Variants in SLC4A11 observed in about 807,000 individuals in gnomAD.
SLC4A11 encodes the protein bicarbonate transporter related protein 1.
Under a neutral mutation model 95.0 loss-of-function variants are expected in SLC4A11, and 74 were observed. The observed-to-expected ratio is 0.78, with a 90% CI of 0.65 to 0.95. The LOEUF (loss-of-function observed/expected upper bound fraction) is 0.95. SLC4A11 is among the 40% of genes least tolerant of loss of function. The pLI is 0.00. For missense variants in SLC4A11, 1,081 were observed against 1,192.4 expected, an observed-to-expected ratio of 0.91 and a Z score of 1.38; for synonymous variants, 548 against 519.0, an observed-to-expected ratio of 1.06 and a Z score of -0.76.
Position 3,237,531 on chromosome 20 carries a change from G to C in SLC4A11, c.88+13C>G, listed in dbSNP as rs1049820242. 2 of 1,613,416 alleles carry C rather than the reference G, an allele frequency of 1.2e-6. No homozygotes were observed. The highest frequency in any genetic ancestry group is 1.3e-5 in the African/African-American group (1 of 75,028). On this transcript the variant is annotated intron_variant, in intron 2 of 19. Coordinates refer to ENST00000642402, the MANE Select transcript of SLC4A11 (RefSeq NM_001174089.2). ...CTCTCTCTGCACACACACACTCCCCGAGAGGTACTCACTTGAATCCTCGAA... is the reference window on the plus strand; with the variant it reads ...CTCTCTCTGCACACACACACTCCCCCAGAGGTACTCACTTGAATCCTCGAA...
chr20:3,237,974 C>G, intron 1 of SLC4A11: 1 of 1,550,058 alleles, frequency 6.5e-7, no homozygotes, highest in Middle Eastern at 1.7e-4. Context: ...GCGGGCCTCT[C>G]CCCCTCTCTC....
chr20:3,230,322 T>C, intron 12 of SLC4A11, 62 bp from the exon 13 acceptor site: 1 of 1,589,596 alleles, frequency 6.3e-7, no homozygotes, highest in Non-Finnish European at 8.6e-7. Flanking sequence ...GGGGGAGGCC[T>C]CCCTGAGCCC....
At chr20:3,233,867 G>C (rs2067867689) in intron 6 of SLC4A11, 54 bp downstream of exon 6, 2 of 1,595,706 alleles carry the variant, frequency 1.3e-6, no homozygotes. Context: ...AGGGGACATG[G>C]GACACCCAGT....
At position 3,230,559 on chromosome 20, in the gene SLC4A11, A is replaced by G; in HGVS notation, c.1371T>C (p.Leu457=). 1 of 1,613,912 alleles carries G rather than the reference A, an allele frequency of 6.2e-7. No individual in the cohort carries two copies. The highest frequency in any genetic ancestry group is 8.5e-7 in the Non-Finnish European group (1 of 1,180,008). The change falls in exon 12 of 20, where the codon CTT becomes CTC. Residue 457 remains leucine (L), a synonymous_variant. Transcript: ENST00000642402. ...CCAGGCTGAGGTTGAAAAAGGCATA[A>G]AGCGCAAGGAAGAAACTATTCCACA... The part of the protein sequence containing the change: ...TGLWNSFFLA[L]YAFFNLSLVM...
intron 12 of SLC4A11, 115 bp from the exon 13 acceptor site, chr20:3,230,375 GCCCCAGGCCTTGCCTGAGCCCAC>G: frequency 6.4e-7 from 1 of 1,574,416 alleles, no homozygotes; most frequent in Non-Finnish European, 8.7e-7. Context: ...GAAGGCCAGG[GCCCCAGGCCTTGCCTGAGCCCAC>G]CCCAGCCCCT....
In SLC4A11 at chr20:3,229,569, A is replaced by T. The variant is rs2067681000; in HGVS notation, c.1697T>A (p.Leu566Gln). The change falls in exon 14 of 20, where the codon CTG (leucine) becomes CAG (glutamine). Residue 566 changes from leucine to glutamine, a missense_variant. By Grantham distance (113) the Leu-to-Gln change is moderately radical. Coordinates refer to ENST00000642402, the MANE Select transcript of SLC4A11 (RefSeq NM_001174089.2). ...GGTGTAGCCCAGCCAGAGCGTGCCCAGCATGATGAGGAGGCTGAGCACGGC... is the reference window on the plus strand; with the variant it reads ...GGTGTAGCCCAGCCAGAGCGTGCCCTGCATGATGAGGAGGCTGAGCACGGC... ...ATAVLSLLIMLGTLWLGYTLY... is the reference protein window; with the variant it reads ...ATAVLSLLIMQGTLWLGYTLY... 6.2e-7 allele frequency: 1 copy of T among 1,612,814 alleles called. No homozygotes were observed. Among genetic ancestry groups the T allele is most frequent in the African/African-American group, 1.3e-5 (1 of 74,904 alleles).
In SLC4A11 at chr20:3,237,604, A is replaced by G; in HGVS notation, c.44-16T>C. On this transcript the variant is annotated splice_polypyrimidine_tract_variant and intron_variant, in intron 1 of 19. Transcript: ENST00000642402. Reference sequence around the variant, plus strand: ...GGAGAGTTTTCTGCAAGGGAAGCAGAAAGGTCACCAGCCCCATGGACCAAG... The same window carrying G: ...GGAGAGTTTTCTGCAAGGGAAGCAGGAAGGTCACCAGCCCCATGGACCAAG... 1 of 1,614,044 alleles carries G rather than the reference A, an allele frequency of 6.2e-7. No homozygotes were observed.
At position 3,230,987 on chromosome 20, in the gene SLC4A11, G is replaced by A. The variant is rs372883065; in HGVS notation, c.1114C>T (p.Leu372=). ...TTLFLYFACL[L]PTIAFGSLND... ...AGAGACCCGAAAGCGATGGTGGGCAGGAGGCAGGCGAAGTAGAGGAACAGG... is the reference window on the plus strand; with the variant it reads ...AGAGACCCGAAAGCGATGGTGGGCAAGAGGCAGGCGAAGTAGAGGAACAGG... Residue 372 remains leucine (L), a synonymous_variant, in exon 10 of 20, where the codon CTG becomes TTG. Transcript: ENST00000642402. The A allele has an allele frequency of 1.9e-6, 3 of 1,613,830 alleles. No individual in the cohort carries two copies. The highest frequency in any genetic ancestry group is 1.7e-6 in the Non-Finnish European group (2 of 1,180,008).
rs778740310 is a variant in SLC4A11, at chr20:3,233,980, G to A, written c.546C>T (p.Ile182=). 15 of 1,613,804 alleles carry A rather than the reference G, an allele frequency of 9.3e-6. No individual in the cohort carries two copies. The highest frequency in any genetic ancestry group is 2.7e-5 in the African/African-American group (2 of 74,912). Reference sequence around the variant, plus strand: ...CTGTCACTGTGGCGGTGACCCCTTGGATGGTATCTGACAGCAGGTGGACTG... The same window carrying A: ...CTGTCACTGTGGCGGTGACCCCTTGAATGGTATCTGACAGCAGGTGGACTG... The part of the protein sequence containing the change: ...RGKVHLLSDT[I]QGVTATVTGV... The change falls in exon 6 of 20, where the codon ATC becomes ATT. Residue 182 remains isoleucine (I), a synonymous_variant. Transcript: ENST00000642402.
intron 7 of SLC4A11, among the ~76,000 whole-genome samples, chr20:3,232,179 T>A (rs188306565): frequency 6.6e-6 from 1 of 152,376 alleles, no homozygotes; most frequent in East Asian, 1.9e-4. Context: ...CAGCTACGTT[T>A]CCCCAGTGGT....
At chr20:3,233,282 G>A (rs1290358130) in intron 7 of SLC4A11, among the ~76,000 whole-genome samples, 4 of 152,122 alleles carry the variant, frequency 2.6e-5, no homozygotes, top group African/African-American at 9.7e-5. Flanking sequence ...TAGGGATAGT[G>A]GTCAAAAGCG....
At chr20:3,238,923 C>A in intron 1 of SLC4A11, 172 bp downstream of exon 1, 1 of 1,260,796 alleles carries the variant, frequency 7.9e-7, no homozygotes, top group Non-Finnish European at 1.0e-6. Context: ...GCGCCCGGGC[C>A]TCCCGCACCC....
At chr20:3,237,892 C>A in intron 1 of SLC4A11, 1 of 1,550,862 alleles carries the variant, frequency 6.4e-7, no homozygotes, top group Non-Finnish European at 8.7e-7. Context: ...AGTACCAGTA[C>A]CATGTTCGCT....
intron 2 of SLC4A11, among the ~76,000 whole-genome samples, chr20:3,237,021 A>G (rs1227341862): frequency 1.3e-5 from 2 of 152,088 alleles, no homozygotes; most frequent in Non-Finnish European, 2.9e-5. Flanking sequence ...GCACTGCTCT[A>G]CAAACAACCC....
At position 3,230,663 on chromosome 20, in the gene SLC4A11, A is replaced by G. The variant is rs1469615144; in HGVS notation, c.1283-16T>C. On this transcript the variant is annotated splice_polypyrimidine_tract_variant and intron_variant, in intron 11 of 19. Coordinates refer to ENST00000642402, the MANE Select transcript of SLC4A11 (RefSeq NM_001174089.2). The stretch of plus-strand genomic sequence containing the variant: ...ACACGAATCACTGCAGGCAGGGGGC[A>G]GGGCGGGTCAGGGCCCGGCAGGAAC... 1 of 1,613,232 alleles carries G rather than the reference A, an allele frequency of 6.2e-7. No homozygotes were observed.
rs971566066 is a variant in SLC4A11 at position 3,231,730 on chromosome 20, G to A, written c.730-182C>T. ...TGCAGTGGCACACTCACGGCTTATC[G>A]TAGCCTCGACCTCCCGGGCTCAAGT... is the stretch of plus-strand genomic sequence containing the variant. On this transcript the variant is annotated intron_variant, in intron 7 of 19. Coordinates refer to ENST00000642402, the MANE Select transcript of SLC4A11 (RefSeq NM_001174089.2). The surrounding 1 kb of genome is among the most constrained non-coding windows in gnomAD (Gnocchi z 5.2). 4.6e-5 allele frequency among the ~76,000 whole-genome samples: 7 copies of A among 152,118 alleles called. No homozygotes were observed. The highest frequency in any genetic ancestry group is 1.3e-4 in the Admixed American group (2 of 15,266).
chr20:3,229,606 C>T lies in SLC4A11; in HGVS notation c.1660G>A (p.Gly554Ser). 1 of 1,612,950 alleles carries T rather than the reference C, an allele frequency of 6.2e-7. No homozygotes were observed. ...AGGCTGAGCACGGCGGTCGCCTGGC[C>T]TGAGTGTGTGGCCGAGGGCAGCTCC... is the stretch of plus-strand genomic sequence containing the variant. The part of the protein sequence containing the change: ...PTELPSATHS[G>S]QATAVLSLLI... Residue 554 changes from glycine (G) to serine (S), a missense_variant, in exon 14 of 20, where the codon GGC becomes AGC. By Grantham distance (56) the Gly-to-Ser change is moderately conservative. This residue lies in a region of SLC4A11 where 767 missense variants were observed against 858.0 expected (regional missense o/e 0.89). Coordinates refer to ENST00000642402, the MANE Select transcript of SLC4A11 (RefSeq NM_001174089.2).
In SLC4A11 at chr20:3,230,613, G is replaced by A. The variant is rs780919613; in HGVS notation, c.1317C>T (p.Asp439=). 9 of 1,613,652 alleles carry A rather than the reference G, an allele frequency of 5.6e-6. No individual in the cohort carries two copies. The highest frequency in any genetic ancestry group is 7.6e-6 in the Non-Finnish European group (9 of 1,179,964). The change falls in exon 12 of 20, where the codon GAC becomes GAT. Residue 439 remains aspartate (D), a synonymous_variant. Coordinates refer to ENST00000642402, the MANE Select transcript of SLC4A11 (RefSeq NM_001174089.2). The stretch of plus-strand genomic sequence containing the variant: ...CCGTCCATGCGTAGAAGGAGTTGAA[G>A]TCCAGGTCATAGTCATCACAGATGA... ...IRVICDDYDL[D]FNSFYAWTGL...
In SLC4A11 at chr20:3,229,631, C is replaced by T. The variant is rs201133609; in HGVS notation, c.1635G>A (p.Thr545=). The part of the protein sequence containing the change: ...ALNASFLASP[T]ELPSATHSGQ... ...CTGAGTGTGTGGCCGAGGGCAGCTC[C>T]GTGGGGCTGGCGAGGAAGCTGGCGT... Residue 545 remains threonine, a synonymous_variant, in exon 14 of 20, where the codon ACG becomes ACA. Coordinates refer to ENST00000642402, the MANE Select transcript of SLC4A11 (RefSeq NM_001174089.2). The T allele has an allele frequency of 1.7e-4, 269 of 1,613,308 alleles. 2 individuals carry two copies. The highest frequency in any genetic ancestry group is 1.1e-4 in the East Asian group (5 of 44,858).
Sources: allele counts gnomAD v4.1 joint callset (sites outside exome capture counted in the v4.1 genomes callset), GRCh38; gene constraint gnomAD v4.1.1; regional missense constraint gnomAD v4.1.1; non-coding constraint Gnocchi (gnomAD v3.1); transcripts MANE v1.5; gene names NCBI Gene and HGNC (gene_info 2026-07-23, HGNC 2026-07-21).